The following RFC1 variants were observed in gnomAD, a reference collection of about 807,000 sequenced individuals.
RFC1 encodes replication factor C subunit 1.
RFC1 carries 37 observed loss-of-function variants against 137.4 expected under a neutral mutation model. That is an observed-to-expected ratio of 0.27 (90% CI 0.21 to 0.35). The LOEUF (loss-of-function observed/expected upper bound fraction) is 0.35, where lower values mean the gene tolerates loss of function less well. RFC1 is among the 10% of genes least tolerant of loss of function. The pLI, the probability that RFC1 is intolerant of heterozygous loss-of-function variation, is 1.00. For missense variants in RFC1, 1,205 were observed against 1,358.5 expected, an observed-to-expected ratio of 0.89 and a Z score of 1.78; for synonymous variants, 429 against 455.7, an observed-to-expected ratio of 0.94 and a Z score of 0.75.
chr4:39,336,191 C>T (rs1409765161), intron 4 of RFC1, among the ~76,000 whole-genome samples: 1 of 152,170 alleles, frequency 6.6e-6, no homozygotes, highest in African/African-American at 2.4e-5. Context: ...AAGCATCTAG[C>T]TCTCATAAAT....
chr4:39,314,146 G>C (rs993566851), intron 10 of RFC1, among the ~76,000 whole-genome samples: 8 of 152,174 alleles, frequency 5.3e-5, no homozygotes, highest in African/African-American at 1.9e-4. Context: ...TTCAGATGAA[G>C]AATCTTTCTC....
chr4:39,327,902 TAGG>T (rs766374450), intron 4 of RFC1, 146 bp from the exon 5 acceptor site: 78 of 633,166 alleles, frequency 1.2e-4, no homozygotes, highest in Non-Finnish European at 1.8e-4. Context: ...GAGACCAAGA[TAGG>T]AGAATCATTT....
rs560959580 is a variant in RFC1, at chr4:39,345,417, C to A, written c.192G>T (p.Arg64Ser). ...FKQKQPSKKK[R>S]IIYDSDSESE... ...AATTATTACCTGAATCATAGATGAT[C>A]CTCTTTTTCTTGCTTGGTTGCTTTT... Residue 64 changes from arginine to serine, a missense_variant, in exon 3 of 25, where the codon AGG (arginine) becomes AGT (serine). Around this residue, in one of 3 missense-constraint regions of RFC1, gnomAD observed 962 missense variants for 1,035.3 expected, o/e 0.93. Coordinates refer to ENST00000349703, the MANE Select transcript of RFC1 (RefSeq NM_002913.5). 6.2e-7 allele frequency: 1 copy of A among 1,613,840 alleles called. No individual in the cohort carries two copies. The highest frequency in any genetic ancestry group is 1.3e-5 in the African/African-American group (1 of 75,048).
chr4:39,351,282 A>AAT, intron 2 of RFC1, 66 bp downstream of exon 2: 5 of 535,056 alleles, frequency 9.3e-6, no homozygotes, highest in Non-Finnish European at 1.1e-5. Context: ...AAAAAAAAAA[A>AAT]AAACTTATAA....
intron 19 of RFC1, 99 bp from the exon 20 acceptor site, chr4:39,300,513 C>A (rs915292545): frequency 1.1e-6 from 1 of 877,380 alleles, no homozygotes; most frequent in Non-Finnish European, 1.8e-6. Flanking sequence ...GAATTCCATT[C>A]ATTGCTGGTG....
intron 1 of RFC1, among the ~76,000 whole-genome samples, chr4:39,354,583 C>T (rs568238947): frequency 6.6e-6 from 1 of 152,058 alleles, no homozygotes; most frequent in Admixed American, 6.6e-5. Context: ...TAAAGAAAGG[C>T]AGATTTTACT....
At chr4:39,365,153 GAAAA>G (rs745527928) in intron 1 of RFC1, among the ~76,000 whole-genome samples, 17 of 79,882 alleles carry the variant, frequency 2.1e-4, no homozygotes, top group Admixed American at 7.1e-4. Context: ...GGGTTGAAAT[GAAAA>G]AAAAAAAAAA....
intron 6 of RFC1, among the ~76,000 whole-genome samples, chr4:39,325,131 C>G (rs547228965): frequency 6.6e-6 from 1 of 152,296 alleles, no homozygotes; most frequent in East Asian, 1.9e-4. Flanking sequence ...TCCCCATGAT[C>G]TCATCCAGTT....
chr4:39,353,957 A>G (rs1741337678), intron 1 of RFC1, among the ~76,000 whole-genome samples: 1 of 152,224 alleles, frequency 6.6e-6, no homozygotes, highest in Non-Finnish European at 1.5e-5. Context: ...CAGGAAACAG[A>G]GCCACTGTTA....
In RFC1 at chr4:39,351,457, C is replaced by A; in HGVS notation, c.23G>T (p.Gly8Val). The stretch of plus-strand genomic sequence containing the variant: ...AAGTTTCTTTCCACTTGGTATTACT[C>A]CAAAGAATTTCCGAATGTCCTAAAA... MDIRKFF[G>V]VIPSGKKLVS... The change falls in exon 2 of 25, where the codon GGA becomes GTA. Residue 8 changes from glycine (G) to valine (V), a missense_variant. By Grantham distance (109) the Gly-to-Val change is moderately radical (BLOSUM62 -3). Around this residue, in one of 3 missense-constraint regions of RFC1, gnomAD observed 962 missense variants for 1,035.3 expected, o/e 0.93. Coordinates refer to ENST00000349703, the MANE Select transcript of RFC1 (RefSeq NM_002913.5). The A allele has an allele frequency of 6.4e-7, 1 of 1,561,760 alleles. No individual in the cohort carries two copies. The highest frequency in any genetic ancestry group is 8.6e-7 in the Non-Finnish European group (1 of 1,158,086).
intron 6 of RFC1, among the ~76,000 whole-genome samples, chr4:39,323,804 G>A (rs1171207061): frequency 1.3e-5 from 2 of 152,028 alleles, no homozygotes; most frequent in African/African-American, 4.8e-5. Context: ...CAATCATCTG[G>A]GGAGTACAAA....
At chr4:39,353,881 G>A (rs13142220) in intron 1 of RFC1, among the ~76,000 whole-genome samples, 9,027 of 152,242 alleles carry the variant, frequency 0.059, 335 homozygotes, top group Middle Eastern at 0.13. Context: ...GCAAGTGGTG[G>A]TTTTCAACCT....
At chr4:39,333,754 A>T (rs1366079132) in intron 4 of RFC1, among the ~76,000 whole-genome samples, 2 of 152,190 alleles carry the variant, frequency 1.3e-5, no homozygotes, top group African/African-American at 4.8e-5. Flanking sequence ...CCCTTCTCTG[A>T]ATACATGAAT....
At chr4:39,309,261 C>T (rs959602304) in intron 12 of RFC1, among the ~76,000 whole-genome samples, 6 of 151,960 alleles carry the variant, frequency 3.9e-5, no homozygotes, top group African/African-American at 1.5e-4. Context: ...AGTGACAACA[C>T]GTTGATTTTT....
chr4:39,309,269 T>TTTAAAAGTAATAAGTAC (rs1490880821), intron 12 of RFC1, among the ~76,000 whole-genome samples: 25 of 152,170 alleles, frequency 1.6e-4, no homozygotes, highest in African/African-American at 5.3e-4. Flanking sequence ...CACGTTGATT[T>TTTAAAAGTAATAAGTAC]TTAAAAGTAA....
At chr4:39,354,303 CAG>C (rs1741351312) in intron 1 of RFC1, among the ~76,000 whole-genome samples, 1 of 152,162 alleles carries the variant, frequency 6.6e-6, no homozygotes, top group Admixed American at 6.5e-5. Flanking sequence ...AGGCAAAGGT[CAG>C]CAATTTGTCC....
At chr4:39,324,736 G>C (rs1458134630) in intron 6 of RFC1, among the ~76,000 whole-genome samples, 2 of 152,172 alleles carry the variant, frequency 1.3e-5, no homozygotes, top group African/African-American at 2.4e-5. Context: ...TGAGAGTCCT[G>C]GTGAGGGGAC....
chr4:39,334,016 C>A (rs1008480181), intron 4 of RFC1, among the ~76,000 whole-genome samples: 1 of 151,878 alleles, frequency 6.6e-6, no homozygotes, highest in African/African-American at 2.4e-5. Context: ...TAGGAAGGTA[C>A]GAGTAACTCT....
At chr4:39,345,599 C>T in intron 2 of RFC1, 123 bp from the exon 3 acceptor site, 1 of 658,372 alleles carries the variant, frequency 1.5e-6, no homozygotes, top group Non-Finnish European at 2.5e-6. Flanking sequence ...CGGCTCACTG[C>T]AAGCTCCGCC....
Sources: gnomAD v4.1 joint callset for allele counts (sites outside exome capture counted in the v4.1 genomes callset) on GRCh38, gnomAD v4.1.1 for gene constraint, gnomAD v4.1.1 regional missense constraint, MANE v1.5 for transcripts, NCBI Gene and HGNC (gene_info 2026-07-23, HGNC 2026-07-21) for gene names.